SYT1: variants seen among roughly 807,000 people sequenced by gnomAD.
SYT1 encodes the protein synaptotagmin 1.
A neutral mutation model predicts 44.8 loss-of-function variants in SYT1; 8 were observed. That is an observed-to-expected ratio of 0.18 (90% CI 0.10 to 0.32). SYT1 has a LOEUF of 0.32. SYT1 is among the 10% of genes least tolerant of loss of function. The pLI is 1.00. For missense variants in SYT1, 286 were observed against 509.3 expected (o/e 0.56, Z 4.22); for synonymous variants, 154 against 188.8 (o/e 0.82, Z 1.51).
At chr12:79,227,280 C>T (rs773790057) in intron 4 of SYT1, among the ~76,000 whole-genome samples, 23 of 151,996 alleles carry the variant, frequency 1.5e-4, no homozygotes, top group Non-Finnish European at 2.5e-4. Flanking sequence ...GCATTTTTAT[C>T]TTTCAATTCA....
intron 9 of SYT1, 72 bp downstream of exon 9, chr12:79,353,691 G>A (rs1883000288): frequency 1.8e-6 from 2 of 1,092,352 alleles, no homozygotes; most frequent in African/African-American, 1.5e-5. Context: ...TGGCGCACAT[G>A]CTGCGACTCC....
intron 3 of SYT1, among the ~76,000 whole-genome samples, chr12:79,070,620 C>G (rs1382951197): frequency 1.3e-5 from 2 of 151,406 alleles, no homozygotes; most frequent in Non-Finnish European, 2.9e-5. Flanking sequence ...TAAAGTTTTA[C>G]TTTATTCTGC....
intron 2 of SYT1, among the ~76,000 whole-genome samples, chr12:79,001,260 TA>T (rs11315867): frequency 0.17 from 24,224 of 144,744 alleles, 2,095 homozygotes; most frequent in African/African-American, 0.24. Flanking sequence ...TCATTTCTTT[TA>T]AAAAAAAAAA....
At chr12:78,984,270 A>C (rs911317525) in intron 2 of SYT1, among the ~76,000 whole-genome samples, 2 of 151,986 alleles carry the variant, frequency 1.3e-5, no homozygotes, top group Non-Finnish European at 2.9e-5. Context: ...GAAATTAAAA[A>C]TTCAGAGCAC....
At chr12:78,984,679 A>C (rs1054988071) in intron 2 of SYT1, among the ~76,000 whole-genome samples, 4 of 152,032 alleles carry the variant, frequency 2.6e-5, no homozygotes, top group Non-Finnish European at 5.9e-5. Context: ...AGAAACACAC[A>C]TAAAGATGAA....
intron 3 of SYT1, among the ~76,000 whole-genome samples, chr12:79,164,437 G>A (rs1871127594): frequency 6.6e-6 from 1 of 152,042 alleles, no homozygotes; most frequent in African/African-American, 2.4e-5. Context: ...AAAAGTATGT[G>A]AGTACGAATA....
At chr12:78,961,099 T>A (rs1179027651) in intron 1 of SYT1, among the ~76,000 whole-genome samples, 1 of 152,104 alleles carries the variant, frequency 6.6e-6, no homozygotes, top group Admixed American at 6.5e-5. Context: ...CTTCAAGCTT[T>A]ATTTTTTTTA....
chr12:79,235,565 G>A (rs926215418), intron 4 of SYT1, among the ~76,000 whole-genome samples: 4 of 149,902 alleles, frequency 2.7e-5, no homozygotes, highest in South Asian at 4.2e-4. Context: ...TACCAAAAAC[G>A]GCTAGTCACA....
chr12:78,920,818 T>C (rs1414680134), intron 1 of SYT1, among the ~76,000 whole-genome samples: 3 of 151,946 alleles, frequency 2.0e-5, no homozygotes, highest in Non-Finnish European at 1.5e-5. Flanking sequence ...CTAATAATGA[T>C]GATAATGATG....
chr12:79,316,177 T>C (rs1425567028), intron 8 of SYT1, among the ~76,000 whole-genome samples: 1 of 152,202 alleles, frequency 6.6e-6, no homozygotes, highest in Non-Finnish European at 1.5e-5. Context: ...CAATGTGTCT[T>C]AGTGCAAGCT....
intron 10 of SYT1, among the ~76,000 whole-genome samples, chr12:79,446,701 T>G (rs1870755071): frequency 1.3e-5 from 2 of 152,156 alleles, no homozygotes; most frequent in Admixed American, 1.3e-4. Flanking sequence ...ATCTGTTACA[T>G]AAGTAAATGC....
intron 3 of SYT1, among the ~76,000 whole-genome samples, chr12:79,113,222 A>G (rs2138098817): frequency 6.6e-6 from 1 of 152,288 alleles, no homozygotes; most frequent in African/African-American, 2.4e-5. Flanking sequence ...ATATTGTGCT[A>G]ATAATGACCA....
rs1418096237 is a variant in SYT1, at chr12:78,929,407, CCCAA to C, written c.-216-48391_-216-48388del. ...CCTGGGTGACAGAGAGAGACTCCGT[CCCAA>C]AAAAAAAAAAAAAAAAAAAAAAAAA... On this transcript the variant is annotated intron_variant, in intron 1 of 10. Coordinates refer to ENST00000261205, the MANE Select transcript of SYT1 (RefSeq NM_005639.3). 2.8e-3 allele frequency among the ~76,000 whole-genome samples: 41 copies of C among 14,680 alleles called. 6 individuals are homozygous for C. Among genetic ancestry groups the C allele is most frequent in the Middle Eastern group, 0.17 (2 of 12 alleles). The allele number at this position is 14,680 out of a possible 152,430, so 9.6% of individuals were successfully genotyped here.
intron 4 of SYT1, among the ~76,000 whole-genome samples, chr12:79,222,436 C>T (rs1592867546): frequency 6.7e-6 from 1 of 148,954 alleles, no homozygotes; most frequent in South Asian, 2.1e-4. Flanking sequence ...GACTGAGGTG[C>T]AGTGGCACGA....
At chr12:79,145,319 A>C (rs1869809428) in intron 3 of SYT1, among the ~76,000 whole-genome samples, 1 of 152,126 alleles carries the variant, frequency 6.6e-6, no homozygotes. Flanking sequence ...GAATATTAAC[A>C]TTTTTAAAAA....
intron 3 of SYT1, among the ~76,000 whole-genome samples, chr12:79,080,808 A>G (rs1196784774): frequency 6.6e-6 from 1 of 152,220 alleles, no homozygotes; most frequent in Non-Finnish European, 1.5e-5. Context: ...AGGATGCTGT[A>G]GACTAACTAG....
At chr12:79,178,457 C>T (rs1872038929) in intron 3 of SYT1, among the ~76,000 whole-genome samples, 1 of 152,006 alleles carries the variant, frequency 6.6e-6, no homozygotes, top group Non-Finnish European at 1.5e-5. Flanking sequence ...GGGGCATGTT[C>T]TTACTTACAA....
At position 79,387,885 on chromosome 12, in the gene SYT1, T is replaced by G. The variant is rs114698192; in HGVS notation, c.928+34266T>G. On this transcript the variant is annotated intron_variant, in intron 9 of 10. Transcript: ENST00000261205. Reference sequence around the variant, plus strand: ...TCTATAATATCTAATTATGTATAGATCCAGACTGTTTATGTTTGGCATACA... The same window carrying G: ...TCTATAATATCTAATTATGTATAGAGCCAGACTGTTTATGTTTGGCATACA... 8.2e-4 allele frequency among the ~76,000 whole-genome samples: 125 copies of G among 152,362 alleles called. 1 individual carries two copies. Among genetic ancestry groups the G allele is most frequent in the African/African-American group, 2.9e-3 (122 of 41,590 alleles).
At chr12:79,056,976 A>G (rs1431488423) in intron 3 of SYT1, among the ~76,000 whole-genome samples, 1 of 152,032 alleles carries the variant, frequency 6.6e-6, no homozygotes, top group Non-Finnish European at 1.5e-5. Flanking sequence ...ACAGTCTGAC[A>G]TGGGCTATCA....
Sources: allele counts gnomAD v4.1 joint callset (sites outside exome capture counted in the v4.1 genomes callset), GRCh38; gene constraint gnomAD v4.1.1; transcripts MANE v1.5; gene names NCBI Gene and HGNC (gene_info 2026-07-23, HGNC 2026-07-21).